The following AOPEP variants were observed in gnomAD, a reference collection of about 807,000 sequenced individuals.
AOPEP encodes the protein aminopeptidase O (putative), also known as aminopeptidase O.
A neutral mutation model predicts 98.1 loss-of-function variants in AOPEP; 77 were observed. The ratio of observed to expected loss-of-function variants is 0.78; its 90% CI spans 0.65 to 0.95. The LOEUF is 0.95. AOPEP is among the 40% of genes least tolerant of loss of function. The pLI is 0.00. For missense variants in AOPEP, 1,024 were observed against 1,024.7 expected, an observed-to-expected ratio of 1.00 and a Z score of 0.01; for synonymous variants, 346 against 365.3, an observed-to-expected ratio of 0.95 and a Z score of 0.60.
At chr9:95,091,300 C>T (rs1038767359), downstream of AOPEP, among the ~76,000 whole-genome samples, 1 of 152,194 alleles carries the variant, frequency 6.6e-6, no homozygotes, top group African/African-American at 2.4e-5. Context: ...GGCAAGGGGC[C>T]ACAGTCTGTC....
intron 11 of AOPEP, among the ~76,000 whole-genome samples, chr9:94,990,887 C>A (rs2060851614): frequency 6.6e-6 from 1 of 152,190 alleles, no homozygotes; most frequent in Non-Finnish European, 1.5e-5. Context: ...CTCAGCCCCC[C>A]AAAGTGCTGG....
intron 5 of AOPEP, among the ~76,000 whole-genome samples, chr9:94,879,323 T>C (rs1403108376): frequency 6.6e-6 from 1 of 152,238 alleles, no homozygotes; most frequent in Non-Finnish European, 1.5e-5. Context: ...GTTCAGCATA[T>C]GTGCAGGAAT....
chr9:95,004,652 C>G (rs1257143960), intron 11 of AOPEP, among the ~76,000 whole-genome samples: 1 of 151,530 alleles, frequency 6.6e-6, no homozygotes, highest in African/African-American at 2.4e-5. Context: ...CAGCCTGCGG[C>G]GGGCGGCGCG....
chr9:95,022,849 G>A (rs900358888), intron 13 of AOPEP, among the ~76,000 whole-genome samples: 1 of 152,178 alleles, frequency 6.6e-6, no homozygotes, highest in African/African-American at 2.4e-5. Flanking sequence ...CCCAGAACAT[G>A]TGTGGTTTCC....
intron 2 of AOPEP, among the ~76,000 whole-genome samples, chr9:94,770,092 G>A (rs1840526722): frequency 6.6e-6 from 1 of 152,098 alleles, no homozygotes; most frequent in Non-Finnish European, 1.5e-5. Context: ...ACCCATTCAT[G>A]GACACCACAC....
chr9:95,099,683 G>A, the AOPEP span: 3 of 232,054 alleles, frequency 1.3e-5, no homozygotes, highest in Admixed American at 1.1e-4. Flanking sequence ...GTCCCCAGAG[G>A]GACAGTCCTC....
At chr9:94,991,925 A>G (rs2060914686) in intron 11 of AOPEP, among the ~76,000 whole-genome samples, 1 of 152,278 alleles carries the variant, frequency 6.6e-6, no homozygotes, top group Non-Finnish European at 1.5e-5. Flanking sequence ...TTGGAAAGAT[A>G]CAGCCATTCC....
the AOPEP span, chr9:95,135,375 T>C: frequency 2.5e-6 from 4 of 1,614,136 alleles, no homozygotes; most frequent in Non-Finnish European, 3.4e-6. Flanking sequence ...AAGCATTCGA[T>C]CCTTCTCAGA....
At chr9:95,069,810 TTA>T (rs2068295674) in intron 14 of AOPEP, among the ~76,000 whole-genome samples, 1 of 152,234 alleles carries the variant, frequency 6.6e-6, no homozygotes, top group East Asian at 1.9e-4. Context: ...TGCTGCTGCT[TTA>T]GCTCTAACCA....
At chr9:94,752,324 C>A (rs1481989970) in intron 1 of AOPEP, among the ~76,000 whole-genome samples, 1 of 151,432 alleles carries the variant, frequency 6.6e-6, no homozygotes, top group Non-Finnish European at 1.5e-5. Flanking sequence ...TTAGAAACAA[C>A]AACACACATA....
At chr9:95,144,787 T>C in the AOPEP span, among the ~76,000 whole-genome samples, 2 of 152,110 alleles carry the variant, frequency 1.3e-5, no homozygotes, top group African/African-American at 4.8e-5. Flanking sequence ...GTGTGATCAG[T>C]GGTGGGGCCG....
chr9:95,085,889 CTGT>C (rs1587985750), intron 16 of AOPEP: 8 of 1,202,416 alleles, frequency 6.7e-6, no homozygotes, highest in East Asian at 1.2e-4. Context: ...GGAGGAGCTC[CTGT>C]TGTTCTGGGC....
At chr9:95,013,883 A>G (rs1373957247) in intron 13 of AOPEP, among the ~76,000 whole-genome samples, 3 of 152,096 alleles carry the variant, frequency 2.0e-5, no homozygotes, top group Non-Finnish European at 2.9e-5. Flanking sequence ...TTTTTCCTGG[A>G]CACCCAGATT....
intron 5 of AOPEP, among the ~76,000 whole-genome samples, chr9:94,861,711 C>T (rs1400292122): frequency 6.6e-6 from 1 of 152,184 alleles, no homozygotes; most frequent in Non-Finnish European, 1.5e-5. Flanking sequence ...TGTTCCCAAC[C>T]CCCGATATAA....
intron 11 of AOPEP, among the ~76,000 whole-genome samples, chr9:94,998,574 C>G (rs982049193): frequency 6.6e-6 from 1 of 152,162 alleles, no homozygotes; most frequent in African/African-American, 2.4e-5. Context: ...TTGTTCTAAG[C>G]AAATTACATG....
At chr9:94,769,067 TA>T (rs1175341082) in intron 2 of AOPEP, among the ~76,000 whole-genome samples, 4 of 152,332 alleles carry the variant, frequency 2.6e-5, no homozygotes, top group Non-Finnish European at 5.9e-5. Context: ...TGGCCCTCCA[TA>T]TAGTTCTCAT....
intron 9 of AOPEP, among the ~76,000 whole-genome samples, chr9:94,964,030 A>G (rs2059024772): frequency 6.6e-6 from 1 of 152,228 alleles, no homozygotes. Context: ...CCATTGATAG[A>G]TGGTACAGAG....
At chr9:95,141,120 G>A in the AOPEP span, among the ~76,000 whole-genome samples, 1 of 150,886 alleles carries the variant, frequency 6.6e-6, no homozygotes, top group African/African-American at 2.4e-5. Flanking sequence ...GACCAGCCTG[G>A]GCAATATGGC....
At chr9:95,140,180 C>G in the AOPEP span, among the ~76,000 whole-genome samples, 4 of 152,066 alleles carry the variant, frequency 2.6e-5, no homozygotes, top group African/African-American at 9.7e-5. Flanking sequence ...ACTATTTTCT[C>G]CTTTAAAATA....
Sources: gnomAD v4.1 joint callset for allele counts (sites outside exome capture counted in the v4.1 genomes callset) on GRCh38, gnomAD v4.1.1 for gene constraint, MANE v1.5 for transcripts, NCBI Gene and HGNC (gene_info 2026-07-23, HGNC 2026-07-21) for gene names.